Variants in ADCY8 observed in about 807,000 individuals in gnomAD.
ADCY8 encodes adenylate cyclase 8.
Under a neutral mutation model 119.7 loss-of-function variants are expected in ADCY8, and 51 were observed. That is an observed-to-expected ratio of 0.43 (90% CI 0.34 to 0.54). The LOEUF is 0.54. ADCY8 is among the 20% of genes least tolerant of loss of function. ADCY8 has a pLI of 0.03. For synonymous variants in ADCY8, 665 were observed against 651.0 expected (o/e 1.02, Z -0.33); for missense variants, 1,383 against 1,598.8 (o/e 0.87, Z 2.30).
chr8:130,886,885 A>C (rs1280735095), intron 7 of ADCY8, among the ~76,000 whole-genome samples: 1 of 152,100 alleles, frequency 6.6e-6, no homozygotes, highest in Non-Finnish European at 1.5e-5. Context: ...AGTTTCAAAA[A>C]ATAGTTTGGG....
At chr8:130,879,914 C>T (rs921846386) in intron 8 of ADCY8, among the ~76,000 whole-genome samples, 2 of 152,154 alleles carry the variant, frequency 1.3e-5, no homozygotes, top group African/African-American at 2.4e-5. Flanking sequence ...ATAATTCCCA[C>T]ATGTTGTGGG....
intron 2 of ADCY8, among the ~76,000 whole-genome samples, chr8:130,985,045 G>A (rs1158820220): frequency 6.6e-6 from 1 of 152,080 alleles, no homozygotes; most frequent in Admixed American, 6.5e-5. Flanking sequence ...GTTTGGAGGA[G>A]GAAGAGGGAT....
intron 5 of ADCY8, among the ~76,000 whole-genome samples, chr8:130,924,950 T>A (rs1034677216): frequency 6.6e-6 from 1 of 151,794 alleles, no homozygotes; most frequent in Admixed American, 6.6e-5. Flanking sequence ...GGCTCACACC[T>A]GTAATCCCAG....
Position 130,990,542 on chromosome 8 carries a change from C to T in ADCY8, c.961G>A (p.Val321Ile). 1.2e-6 allele frequency: 2 copies of T among 1,613,326 alleles called. No homozygotes were observed. Among genetic ancestry groups the T allele is most frequent in the Non-Finnish European group, 1.7e-6 (2 of 1,179,422 alleles). Reference protein sequence around the residue: ...PRLAVISINQVVAQAVLFMCM... With the variant: ...PRLAVISINQIVAQAVLFMCM... ...ATGAATAGCACTGCCTGGGCCACAA[C>T]CTAAAATAAACACAGTCTGGTCAGG... The change falls in exon 2 of 18, where the codon GTT becomes ATT. Residue 321 changes from valine (V) to isoleucine (I), a missense_variant and splice_region_variant. Physicochemically the swap from Val to Ile is conservative, Grantham distance 29. This residue lies in a region of ADCY8 where 455 missense variants were observed against 435.3 expected (regional missense o/e 1.05). Coordinates refer to ENST00000286355, the MANE Select transcript of ADCY8 (RefSeq NM_001115.3).
At chr8:131,022,351 T>A (rs1479133782) in intron 1 of ADCY8, among the ~76,000 whole-genome samples, 1 of 152,136 alleles carries the variant, frequency 6.6e-6, no homozygotes, top group African/African-American at 2.4e-5. Flanking sequence ...CAACTCCCAC[T>A]TATGAATGAG....
chr8:130,909,644 C>A, intron 6 of ADCY8, 64 bp downstream of exon 6: 1 of 1,586,726 alleles, frequency 6.3e-7, no homozygotes, highest in South Asian at 1.1e-5. Flanking sequence ...ACACAGGAAA[C>A]CCACTGTCAC....
chr8:130,949,136 T>C (rs1226413572), intron 3 of ADCY8, among the ~76,000 whole-genome samples: 1 of 151,600 alleles, frequency 6.6e-6, no homozygotes, highest in Non-Finnish European at 1.5e-5. Context: ...CTCAGTTCAA[T>C]GACTTAAAAT....
At chr8:131,020,033 G>A (rs775849944) in intron 1 of ADCY8, among the ~76,000 whole-genome samples, 1 of 152,098 alleles carries the variant, frequency 6.6e-6, no homozygotes, top group Non-Finnish European at 1.5e-5. Context: ...AACTTAGACA[G>A]CTGAGGGGTA....
chr8:131,003,923 G>C (rs1417373739), intron 1 of ADCY8, among the ~76,000 whole-genome samples: 1 of 152,138 alleles, frequency 6.6e-6, no homozygotes, highest in Non-Finnish European at 1.5e-5. Flanking sequence ...AATTAACTAT[G>C]TGGTTGGCTA....
chr8:130,991,057 G>A (rs1040084014), intron 1 of ADCY8, among the ~76,000 whole-genome samples: 2 of 152,168 alleles, frequency 1.3e-5, no homozygotes, highest in South Asian at 4.1e-4. Flanking sequence ...AAAGAAACAC[G>A]TTTTTCTATT....
intron 13 of ADCY8, among the ~76,000 whole-genome samples, chr8:130,819,064 A>G (rs1816430205): frequency 6.6e-6 from 1 of 152,202 alleles, no homozygotes; most frequent in African/African-American, 2.4e-5. Flanking sequence ...ATTCTCATAT[A>G]ACACTCTAAC....
rs749777871 is a variant in ADCY8, at chr8:131,040,243, A to G, written c.91T>C (p.Ser31Pro). The change falls in exon 1 of 18, where the codon TCC becomes CCC. Residue 31 changes from serine to proline, a missense_variant. Ser to Pro is a moderately conservative substitution (Grantham distance 74). This residue lies in a region of ADCY8 where 455 missense variants were observed against 435.3 expected (regional missense o/e 1.05). Coordinates refer to ENST00000286355, the MANE Select transcript of ADCY8 (RefSeq NM_001115.3). ...TGCCACAGCAGCCGCTGCGGCCGGG[A>G]GGCGCTCCTGCCGTCGCCGGCCGGG... ...TPPAGDGRSASRPQRLLWQTA... is the reference protein window; with the variant it reads ...TPPAGDGRSAPRPQRLLWQTA... 48 of 1,547,414 alleles carry G rather than the reference A, an allele frequency of 3.1e-5. No individual in the cohort carries two copies. The South Asian group carries it at 5.5e-4, about 18-fold the overall frequency.
At chr8:130,953,441 G>A (rs1410012606) in intron 2 of ADCY8, among the ~76,000 whole-genome samples, 1 of 152,218 alleles carries the variant, frequency 6.6e-6, no homozygotes, top group South Asian at 2.1e-4. Flanking sequence ...TTCATATAAT[G>A]GACAGAATGA....
chr8:130,958,244 T>A (rs939698351), intron 2 of ADCY8, among the ~76,000 whole-genome samples: 1 of 152,206 alleles, frequency 6.6e-6, no homozygotes, highest in African/African-American at 2.4e-5. Context: ...TATAAGCAAG[T>A]GGGTAGTAAA....
intron 7 of ADCY8, among the ~76,000 whole-genome samples, chr8:130,901,883 G>A (rs117960281): frequency 0.019 from 2,852 of 152,188 alleles, 63 homozygotes; most frequent in Admixed American, 0.066. Flanking sequence ...ACAATCTCTA[G>A]CTAATAATGA....
chr8:130,944,928 G>T (rs1203637174), intron 3 of ADCY8, among the ~76,000 whole-genome samples: 1 of 152,174 alleles, frequency 6.6e-6, no homozygotes, highest in Non-Finnish European at 1.5e-5. Flanking sequence ...TGGAAACAGT[G>T]CAGGGTGATG....
At chr8:130,855,099 GTC>G (rs374605470) in intron 9 of ADCY8, among the ~76,000 whole-genome samples, 60 of 146,380 alleles carry the variant, frequency 4.1e-4, no homozygotes, top group African/African-American at 7.1e-4. Flanking sequence ...GGTAAGCACT[GTC>G]TCTCTCTCTC....
At chr8:130,837,196 G>A in intron 11 of ADCY8, among the ~76,000 whole-genome samples, 1 of 152,104 alleles carries the variant, frequency 6.6e-6, no homozygotes, top group Non-Finnish European at 1.5e-5. Context: ...TATTTCTAAA[G>A]CACAGATCTG....
chr8:130,894,643 T>G (rs1819320777), intron 7 of ADCY8, among the ~76,000 whole-genome samples: 1 of 152,180 alleles, frequency 6.6e-6, no homozygotes, highest in African/African-American at 2.4e-5. Context: ...CCATCCATAC[T>G]GTATGCTTAC....
Sources: gnomAD v4.1 joint callset for allele counts (sites outside exome capture counted in the v4.1 genomes callset) on GRCh38, gnomAD v4.1.1 for gene constraint, gnomAD v4.1.1 regional missense constraint, MANE v1.5 for transcripts, NCBI Gene and HGNC (gene_info 2026-07-23, HGNC 2026-07-21) for gene names.